Variants in KHDRBS2 observed in about 807,000 individuals in gnomAD.
The protein encoded by KHDRBS2 is KH domain-containing, RNA-binding, signal transduction-associated protein 2.
Under a neutral mutation model 44.3 loss-of-function variants are expected in KHDRBS2, and 26 were observed. The observed-to-expected ratio is 0.59, with a 90% CI of 0.43 to 0.81. KHDRBS2 has a LOEUF of 0.81. Among genes scored for constraint, KHDRBS2 ranks in the 40% least tolerant of loss-of-function variants. The pLI is 0.00. For missense variants in KHDRBS2, 476 were observed against 433.1 expected (o/e 1.10, Z -0.88); for synonymous variants, 194 against 151.1 (o/e 1.28, Z -2.08).
intron 2 of KHDRBS2, among the ~76,000 whole-genome samples, chr6:62,113,821 G>A (rs1259629137): frequency 6.6e-6 from 1 of 152,032 alleles, no homozygotes; most frequent in Non-Finnish European, 1.5e-5. Context: ...ACACACTTGG[G>A]AATGAATCTC....
intron 6 of KHDRBS2, among the ~76,000 whole-genome samples, chr6:61,869,964 GTTTTTT>G (rs59518436): frequency 6.4e-5 from 7 of 109,030 alleles, no homozygotes; most frequent in Non-Finnish European, 9.1e-5. Flanking sequence ...CTGCAGGAGT[GTTTTTT>G]TTTTTTTTTT....
At chr6:61,974,477 CA>C (rs1309383001) in intron 4 of KHDRBS2, among the ~76,000 whole-genome samples, 7 of 152,008 alleles carry the variant, frequency 4.6e-5, no homozygotes, top group African/African-American at 1.2e-4. Flanking sequence ...CGTTACTCAT[CA>C]AAAAATTTAT....
At chr6:62,184,715 A>G (rs971165207) in intron 1 of KHDRBS2, among the ~76,000 whole-genome samples, 4 of 151,834 alleles carry the variant, frequency 2.6e-5, no homozygotes, top group Non-Finnish European at 5.9e-5. Flanking sequence ...GTCTGTCTTC[A>G]AATAGCTCTA....
intron 1 of KHDRBS2, among the ~76,000 whole-genome samples, chr6:62,214,475 T>G (rs1829643056): frequency 6.8e-6 from 1 of 147,286 alleles, no homozygotes; most frequent in Non-Finnish European, 1.5e-5. Context: ...GTTGACTGTT[T>G]TTAATGGCTA....
the KHDRBS2 span, among the ~76,000 whole-genome samples, chr6:61,644,909 A>G: frequency 3.9e-5 from 6 of 152,136 alleles, no homozygotes; most frequent in African/African-American, 1.4e-4. Context: ...CAGTGTGGTG[A>G]TTCCTTGAAG....
chr6:61,996,223 C>A (rs557016335), intron 3 of KHDRBS2, among the ~76,000 whole-genome samples: 1 of 151,956 alleles, frequency 6.6e-6, no homozygotes, highest in East Asian at 1.9e-4. Context: ...CCAATTAGAG[C>A]ATCACACAGA....
At chr6:61,638,256 A>G in the KHDRBS2 span, among the ~76,000 whole-genome samples, 11 of 152,078 alleles carry the variant, frequency 7.2e-5, no homozygotes, top group Non-Finnish European at 1.3e-4. Context: ...ACTTCAAACT[A>G]TACTACAAGG....
At chr6:62,070,928 A>G (rs1220249675) in intron 2 of KHDRBS2, among the ~76,000 whole-genome samples, 1 of 152,158 alleles carries the variant, frequency 6.6e-6, no homozygotes, top group Non-Finnish European at 1.5e-5. Context: ...GACTTCCACA[A>G]TGGTTGAACT....
At chr6:61,865,492 C>A (rs1172532921) in intron 6 of KHDRBS2, among the ~76,000 whole-genome samples, 1 of 152,088 alleles carries the variant, frequency 6.6e-6, no homozygotes, top group Non-Finnish European at 1.5e-5. Flanking sequence ...AACTTATTCA[C>A]TGTCACAAAA....
chr6:61,830,642 C>T (rs1791639784), intron 6 of KHDRBS2, among the ~76,000 whole-genome samples: 1 of 152,140 alleles, frequency 6.6e-6, no homozygotes, highest in South Asian at 2.1e-4. Context: ...TTCTCATTAG[C>T]CTGTCTGCTT....
At chr6:62,275,072 G>A (rs1840711771) in intron 1 of KHDRBS2, among the ~76,000 whole-genome samples, 1 of 150,618 alleles carries the variant, frequency 6.6e-6, no homozygotes, top group Non-Finnish European at 1.5e-5. Context: ...TACTCAAAGG[G>A]AAACCATTTG....
chr6:62,141,933 C>G (rs1439938947), intron 2 of KHDRBS2, among the ~76,000 whole-genome samples: 1 of 152,012 alleles, frequency 6.6e-6, no homozygotes, highest in Admixed American at 6.6e-5. Context: ...TAAGCTTTAT[C>G]AAACACTATA....
At chr6:61,954,655 C>T (rs1234363001) in intron 4 of KHDRBS2, among the ~76,000 whole-genome samples, 4 of 127,172 alleles carry the variant, frequency 3.1e-5, no homozygotes, top group Non-Finnish European at 6.7e-5. Context: ...CTTATGTATA[C>T]ATACATATGT....
intron 1 of KHDRBS2, among the ~76,000 whole-genome samples, chr6:62,236,160 A>C (rs1421068670): frequency 6.6e-6 from 1 of 152,110 alleles, no homozygotes; most frequent in Non-Finnish European, 1.5e-5. Context: ...AGAGTTCTTT[A>C]TAAACTGCTT....
In KHDRBS2 at chr6:62,116,175, C is replaced by A. The variant is rs766651240; in HGVS notation, c.219+61010G>T. 2.6e-5 allele frequency among the ~76,000 whole-genome samples: 4 copies of A among 152,096 alleles called. No individual in the cohort carries two copies. In the East Asian group the frequency reaches 7.7e-4, roughly 29 times the overall value. Reference sequence around the variant, plus strand: ...TCAAGCTAACTAATAGATCCATTACCCCAAATATGTATTATTTTTGTGGTA... The same window carrying A: ...TCAAGCTAACTAATAGATCCATTACACCAAATATGTATTATTTTTGTGGTA... On this transcript the variant is annotated intron_variant, in intron 2 of 8. Coordinates refer to ENST00000281156, the MANE Select transcript of KHDRBS2 (RefSeq NM_152688.4).
the KHDRBS2 span, among the ~76,000 whole-genome samples, chr6:61,566,271 T>TA: frequency 6.6e-6 from 1 of 152,164 alleles, no homozygotes; most frequent in Non-Finnish European, 1.5e-5. Flanking sequence ...AGAGGTTGGC[T>TA]AATGTGTACA....
Position 61,775,699 on chromosome 6 carries a change from C to T in KHDRBS2, c.811-42935G>A, listed in dbSNP as rs558885367. Reference sequence around the variant, plus strand: ...TCATGGGTAGGAAGAATCAATATTGCGAAAATGGCCATACTGCCCAAGGTA... The same window carrying T: ...TCATGGGTAGGAAGAATCAATATTGTGAAAATGGCCATACTGCCCAAGGTA... On this transcript the variant is annotated intron_variant, in intron 6 of 8. Transcript: ENST00000281156. Among the ~76,000 whole-genome samples the T allele has an allele frequency of 1.6e-4, 24 of 152,134 alleles. 1 individual carries two copies. In the East Asian group the frequency reaches 2.9e-3, roughly 18 times the overall value.
In KHDRBS2 at chr6:61,989,344, C is replaced by T. The variant is rs114396508; in HGVS notation, c.337-11132G>A. Among the ~76,000 whole-genome samples, 251 of 152,262 alleles carry T rather than the reference C, an allele frequency of 1.6e-3. 2 individuals carry two copies. The highest frequency in any genetic ancestry group is 5.8e-3 in the African/African-American group (243 of 41,560). On this transcript the variant is annotated intron_variant, in intron 3 of 8. Coordinates refer to ENST00000281156, the MANE Select transcript of KHDRBS2 (RefSeq NM_152688.4). ...GCCTAACTTTGTGGATGTCTTGTTC[C>T]AAGTTGCAAAACTACTTCCTGTCAT...
At chr6:61,690,468 C>T (rs993944907) in intron 8 of KHDRBS2, among the ~76,000 whole-genome samples, 24 of 152,020 alleles carry the variant, frequency 1.6e-4, no homozygotes, top group African/African-American at 5.5e-4. Context: ...AACACCTTTC[C>T]TATGGCTTGT....
Sources: gnomAD v4.1 joint callset for allele counts (sites outside exome capture counted in the v4.1 genomes callset) on GRCh38, gnomAD v4.1.1 for gene constraint, MANE v1.5 for transcripts, NCBI Gene and HGNC (gene_info 2026-07-23, HGNC 2026-07-21) for gene names.